The following ZC3H6 variants were observed in gnomAD, a reference collection of about 807,000 sequenced individuals.
ZC3H6 encodes zinc finger CCCH-type containing 6, also known as zinc finger CCCH domain-containing protein 6.
Under a neutral mutation model 107.7 loss-of-function variants are expected in ZC3H6, and 40 were observed. That is an observed-to-expected ratio of 0.37 (90% confidence interval 0.29 to 0.48). The LOEUF (loss-of-function observed/expected upper bound fraction) is 0.48. ZC3H6 is among the 20% of genes least tolerant of loss of function. ZC3H6 has a pLI of 0.98. For missense variants in ZC3H6, 1,267 were observed against 1,410.4 expected (o/e 0.90, Z 1.63); for synonymous variants, 493 against 487.9 (o/e 1.01, Z -0.14).
At chr2:112,290,228 A>G (rs533234621) in intron 1 of ZC3H6, among the ~76,000 whole-genome samples, 1 of 152,380 alleles carries the variant, frequency 6.6e-6, no homozygotes, top group South Asian at 2.1e-4. Context: ...GAGGAATTGA[A>G]GAAATTCACA....
chr2:112,301,771 A>T (rs550375861), intron 2 of ZC3H6, among the ~76,000 whole-genome samples: 1 of 152,270 alleles, frequency 6.6e-6, no homozygotes, highest in Admixed American at 6.5e-5. Context: ...TAATAAAATT[A>T]TAAGCAGAAG....
intron 11 of ZC3H6, among the ~76,000 whole-genome samples, 154 bp downstream of exon 11, chr2:112,325,351 G>T (rs970125929): frequency 1.3e-5 from 2 of 152,140 alleles, no homozygotes; most frequent in Non-Finnish European, 2.9e-5. Flanking sequence ...AAAATTAGGT[G>T]GTCGTGTTGG....
intron 5 of ZC3H6, among the ~76,000 whole-genome samples, chr2:112,312,864 TAA>T (rs5833443): frequency 4.6e-5 from 6 of 131,524 alleles, no homozygotes; most frequent in Non-Finnish European, 5.2e-5. Context: ...CATCTCAAAA[TAA>T]AAAAAAAAAA....
chr2:112,319,388 G>A lies in ZC3H6; in HGVS notation c.976+2056G>A, dbSNP rs1024427020. On this transcript the variant is annotated intron_variant, in intron 7 of 11. Transcript: ENST00000409871. Reference sequence around the variant, plus strand: ...GGGCCAGGCACGGTGGCTCATGCCTGTAATCCCACCACTTTCGGAGGCCAA... The same window carrying A: ...GGGCCAGGCACGGTGGCTCATGCCTATAATCCCACCACTTTCGGAGGCCAA... 2.0e-5 allele frequency among the ~76,000 whole-genome samples: 3 copies of A among 152,226 alleles called. No homozygotes were observed. In the East Asian group the frequency reaches 5.8e-4, roughly 29 times the overall value.
chr2:112,275,631 C>T lies in ZC3H6; in HGVS notation c.-364C>T. ...TCGAGCCGCCTGTTTCGGGTGCCGC[C>T]ATGTTGGTGAGGAGAAATCACCGTT... is the stretch of plus-strand genomic sequence containing the variant. On this transcript the variant is annotated 5_prime_UTR_variant, in exon 1 of 12. Transcript: ENST00000409871. 1 of 401,338 alleles carries T rather than the reference C, an allele frequency of 2.5e-6. No homozygotes were observed. Among genetic ancestry groups the T allele is most frequent in the Non-Finnish European group, 4.4e-6 (1 of 226,874 alleles). The allele number at this position is 401,338 out of a possible 1,614,324, so 24.9% of individuals were successfully genotyped here. A position where few individuals can be genotyped will look rare whatever the true frequency, so the allele number is the denominator to read the frequency against.
chr2:112,331,426 T>A lies in ZC3H6; in HGVS notation c.2508T>A (p.Ala836=), dbSNP rs767693749. The change falls in exon 12 of 12, where the codon GCT becomes GCA. Residue 836 remains alanine, a synonymous_variant. Coordinates refer to ENST00000409871, the MANE Select transcript of ZC3H6 (RefSeq NM_198581.3). ...CAGAAAGAGAACTGAGAGAAAAAGC[T>A]TTCTTAATACCTTTGGATGCCTCAC... ...EDTERELREK[A]FLIPLDASPG... 2 of 1,613,712 alleles carry A rather than the reference T, an allele frequency of 1.2e-6. No individual in the cohort carries two copies.
chr2:112,330,108 A>C (rs751097378), intron 11 of ZC3H6, among the ~76,000 whole-genome samples: 1 of 150,246 alleles, frequency 6.7e-6, no homozygotes, highest in African/African-American at 2.5e-5. Context: ...GCTGGAGTGC[A>C]GTGGCTAGAT....
intron 1 of ZC3H6, among the ~76,000 whole-genome samples, chr2:112,280,546 C>T (rs1686508254): frequency 6.6e-6 from 1 of 152,048 alleles, no homozygotes; most frequent in African/African-American, 2.4e-5. Context: ...ACATCATGAA[C>T]TTGCTCTCTG....
rs1677104125 is a variant in ZC3H6, at chr2:112,334,466, A to G, written c.*1978A>G. ...AAATAGAATCCAAACTCTTAACCGA[A>G]TATCTTTTTTACAACTAAAAGAGAT... On this transcript the variant is annotated 3_prime_UTR_variant, in exon 12 of 12. Transcript: ENST00000409871. 1 of 152,114 alleles carries G rather than the reference A, an allele frequency of 6.6e-6. No homozygotes were observed. Among genetic ancestry groups the G allele is most frequent in the Non-Finnish European group, 1.5e-5 (1 of 67,952 alleles). The allele number at this position is 152,114 out of a possible 1,614,324, so 9.4% of individuals were successfully genotyped here. A position where few individuals can be genotyped will look rare whatever the true frequency, so the allele number is the denominator to read the frequency against.
At chr2:112,328,645 A>G (rs2104725446) in intron 11 of ZC3H6, among the ~76,000 whole-genome samples, 1 of 152,320 alleles carries the variant, frequency 6.6e-6, no homozygotes, top group South Asian at 2.1e-4. Context: ...TAAGCATTTT[A>G]ATAGCAATCT....
At chr2:112,312,681 A>G (rs1165497792) in intron 5 of ZC3H6, among the ~76,000 whole-genome samples, 2 of 152,022 alleles carry the variant, frequency 1.3e-5, no homozygotes, top group Non-Finnish European at 2.9e-5. Flanking sequence ...GCCAACATGG[A>G]GAAACCCCAT....
At chr2:112,309,740 A>T in intron 3 of ZC3H6, 145 bp from the exon 4 acceptor site, 1 of 691,402 alleles carries the variant, frequency 1.4e-6, no homozygotes, top group Non-Finnish European at 2.3e-6. Context: ...GTAGTATCAT[A>T]GATAAGTACT....
Position 112,322,717 on chromosome 2 carries a change from C to T in ZC3H6, c.1155C>T (p.Gly385=), listed in dbSNP as rs1676827027. 1 of 1,613,724 alleles carries T rather than the reference C, an allele frequency of 6.2e-7. No individual in the cohort carries two copies. The highest frequency in any genetic ancestry group is 8.5e-7 in the Non-Finnish European group (1 of 1,179,750). The change falls in exon 9 of 12, where the codon GGC becomes GGT. Residue 385 remains glycine (G), a synonymous_variant. Transcript: ENST00000409871. ...AATTAGAGGAACTTAGAAAGCGTGGCATAACTCCTCTTCCCAAACCACCTC... is the reference window on the plus strand; with the variant it reads ...AATTAGAGGAACTTAGAAAGCGTGGTATAACTCCTCTTCCCAAACCACCTC... The part of the protein sequence containing the change: ...ERELEELRKR[G]ITPLPKPPPG...
In ZC3H6 at chr2:112,310,126, C is replaced by A. The variant is rs1335529190; in HGVS notation, c.578C>A (p.Ser193Ter). ...IALGSSFSKE[S>*]GKKQRMKGVQ... ...TTAGGGTCATCATTTTCTAAAGAATCAGGAAAAAAACAGAGAATGAAAGGA... is the reference window on the plus strand; with the variant it reads ...TTAGGGTCATCATTTTCTAAAGAATAAGGAAAAAAACAGAGAATGAAAGGA... Residue 193 changes from serine to a stop codon, truncating the protein, a stop_gained, in exon 4 of 12, where the codon TCA becomes TAA. Transcript: ENST00000409871. LOFTEE classifies it high-confidence loss of function. 6.2e-7 allele frequency: 1 copy of A among 1,611,194 alleles called. No homozygotes were observed. The highest frequency in any genetic ancestry group is 8.5e-7 in the Non-Finnish European group (1 of 1,178,928).
At position 112,316,591 on chromosome 2, in the gene ZC3H6, A is replaced by C; in HGVS notation, c.864+5A>C. ...CTGGAAGGGAGGTGTATTAAGGTAA[A>C]TTTATAGAGGTATCATAAGTCATTT... On this transcript the variant is annotated splice_donor_5th_base_variant and intron_variant, in intron 6 of 11. Coordinates refer to ENST00000409871, the MANE Select transcript of ZC3H6 (RefSeq NM_198581.3). 2.0e-6 allele frequency: 3 copies of C among 1,530,420 alleles called. No individual in the cohort carries two copies. Among genetic ancestry groups the C allele is most frequent in the Non-Finnish European group, 2.7e-6 (3 of 1,118,930 alleles). 94.8% of individuals were successfully genotyped at this position (1,530,420 alleles called of 1,614,324 possible).
At chr2:112,320,804 A>G (rs1367816277) in intron 7 of ZC3H6, among the ~76,000 whole-genome samples, 1 of 152,128 alleles carries the variant, frequency 6.6e-6, no homozygotes, top group Non-Finnish European at 1.5e-5. Context: ...TGTATTGGCC[A>G]CATTTCCAGA....
chr2:112,306,764 C>T (rs1676484291), intron 3 of ZC3H6, among the ~76,000 whole-genome samples: 1 of 152,148 alleles, frequency 6.6e-6, no homozygotes, highest in Admixed American at 6.6e-5. Flanking sequence ...TTTTGAGATC[C>T]CCTTATAATT....
At chr2:112,288,359 C>A (rs1686649271) in intron 1 of ZC3H6, among the ~76,000 whole-genome samples, 1 of 152,206 alleles carries the variant, frequency 6.6e-6, no homozygotes, top group South Asian at 2.1e-4. Flanking sequence ...CATAGTAATT[C>A]TATTCAGATA....
rs1027798904 is a variant in ZC3H6, at chr2:112,338,675, G to A, written c.*6187G>A. On this transcript the variant is annotated 3_prime_UTR_variant, in exon 12 of 12. Transcript: ENST00000409871. ...TACTGATTTTAATACCTTCATGAGA[G>A]TATTAAGGTTGAAAGGAATGGTGAA... 2.0e-5 allele frequency: 3 copies of A among 151,782 alleles called. No homozygotes were observed. The highest frequency in any genetic ancestry group is 2.1e-4 in the South Asian group (1 of 4,810). The allele number at this position is 151,782 out of a possible 1,614,324, so 9.4% of individuals were successfully genotyped here. A position where few individuals can be genotyped will look rare whatever the true frequency, so the allele number is the denominator to read the frequency against.
Sources: gnomAD v4.1 joint callset for allele counts (sites outside exome capture counted in the v4.1 genomes callset) on GRCh38, gnomAD v4.1.1 for gene constraint, MANE v1.5 for transcripts, NCBI Gene and HGNC (gene_info 2026-07-23, HGNC 2026-07-21) for gene names.